The following AEBP2 variants were observed in gnomAD, a reference collection of about 807,000 sequenced individuals.
AEBP2 encodes the protein zinc finger protein AEBP2.
A neutral mutation model predicts 50.8 loss-of-function variants in AEBP2; 10 were observed. The observed-to-expected ratio is 0.20, with a 90% confidence interval of 0.12 to 0.33. The LOEUF (loss-of-function observed/expected upper bound fraction) is 0.33. Ranked by LOEUF, AEBP2 falls within the 10% of genes least tolerant of loss-of-function variation. The pLI is 1.00. For synonymous variants in AEBP2, 296 were observed against 261.3 expected, an observed-to-expected ratio of 1.13 and a Z score of -1.28; for missense variants, 570 against 688.0, an observed-to-expected ratio of 0.83 and a Z score of 1.92.
At chr12:19,456,183 A>G in intron 1 of AEBP2, 1 of 1,165,128 alleles carries the variant, frequency 8.6e-7, no homozygotes, top group Non-Finnish European at 1.2e-6. Context: ...TGAAACAAAC[A>G]GTTCTGAGAC....
chr12:19,491,442 A>G (rs1317901980), intron 3 of AEBP2, among the ~76,000 whole-genome samples: 1 of 152,184 alleles, frequency 6.6e-6, no homozygotes, highest in East Asian at 1.9e-4. Flanking sequence ...ACTGCTTTAT[A>G]TGTATGTTTT....
At chr12:19,509,218 A>T (rs1949197986) in intron 5 of AEBP2, 3 of 365,940 alleles carry the variant, frequency 8.2e-6, no homozygotes, top group Non-Finnish European at 5.3e-6. Context: ...TTGGGGTGTA[A>T]GTGTTGAAGG....
chr12:19,507,214 G>A (rs904656176), intron 5 of AEBP2, among the ~76,000 whole-genome samples: 1 of 152,182 alleles, frequency 6.6e-6, no homozygotes, highest in Non-Finnish European at 1.5e-5. Context: ...AACATTTAAT[G>A]ATTTAAAGGG....
At chr12:19,463,222 A>G (rs1948409352) in intron 2 of AEBP2, among the ~76,000 whole-genome samples, 1 of 152,212 alleles carries the variant, frequency 6.6e-6, no homozygotes, top group Admixed American at 6.5e-5. Context: ...TTAGATGGAA[A>G]GTTCTGATTA....
intron 1 of AEBP2, chr12:19,456,473 C>T (rs1948271668): frequency 1.4e-6 from 2 of 1,476,416 alleles, no homozygotes; most frequent in South Asian, 1.1e-5. Context: ...GGCCATCTTC[C>T]AGCTTTTTAC....
intron 3 of AEBP2, among the ~76,000 whole-genome samples, chr12:19,481,490 G>A (rs1294280112): frequency 6.9e-6 from 1 of 145,394 alleles, no homozygotes; most frequent in Non-Finnish European, 1.5e-5. Flanking sequence ...TTTTTTTTGT[G>A]AGGCAGAGTC....
chr12:19,437,825 T>G (rs1249295403), upstream of AEBP2, among the ~76,000 whole-genome samples: 1 of 152,218 alleles, frequency 6.6e-6, no homozygotes, highest in Non-Finnish European at 1.5e-5. Context: ...ACATTTTATA[T>G]AACAGTTGTC....
chr12:19,465,728 A>G (rs371439678), intron 2 of AEBP2, among the ~76,000 whole-genome samples: 61 of 151,906 alleles, frequency 4.0e-4, no homozygotes, highest in African/African-American at 1.4e-3. Flanking sequence ...TAGTACTACT[A>G]TAAAAGACAA....
intron 2 of AEBP2, among the ~76,000 whole-genome samples, chr12:19,464,385 A>G (rs1669972157): frequency 6.6e-6 from 1 of 152,068 alleles, no homozygotes. Flanking sequence ...GCAACTGTGT[A>G]TAGAATCATG....
intron 1 of AEBP2, among the ~76,000 whole-genome samples, chr12:19,425,195 G>A (rs1228678291): frequency 6.6e-6 from 1 of 152,052 alleles, no homozygotes; most frequent in South Asian, 2.1e-4. Context: ...GTGGGTCAAC[G>A]ACACAGTCCT....
In AEBP2 at chr12:19,422,032, C is replaced by T. The variant is rs2095746106; in HGVS notation, c.-17+17816C>T. Among the ~76,000 whole-genome samples the T allele has an allele frequency of 3.3e-5, 5 of 152,078 alleles. No individual in the cohort carries two copies. In the South Asian group the frequency reaches 1.0e-3, roughly 32 times the overall value. ...TGGCTCGCACCTGTGGTCCCAGCTA[C>T]TCGGGAGGCTGAGGCAGGAGAATCA... On this transcript the variant is annotated intron_variant, in intron 1 of 3. Coordinates refer to the AEBP2 transcript ENST00000538425.
At chr12:19,467,124 G>T (rs1478244730) in intron 2 of AEBP2, among the ~76,000 whole-genome samples, 1 of 152,022 alleles carries the variant, frequency 6.6e-6, no homozygotes, top group East Asian at 1.9e-4. Flanking sequence ...ACAGAGATGA[G>T]GTCTCACTGT....
intron 1 of AEBP2, among the ~76,000 whole-genome samples, chr12:19,433,021 C>A (rs752904506): frequency 1.3e-5 from 2 of 152,058 alleles, no homozygotes; most frequent in East Asian, 3.9e-4. Context: ...TAGCATCACA[C>A]GTTCACCAAG....
chr12:19,406,829 T>C (rs1341225222), intron 1 of AEBP2, among the ~76,000 whole-genome samples: 1 of 152,248 alleles, frequency 6.6e-6, no homozygotes, highest in East Asian at 1.9e-4. Context: ...TTTATAGTTT[T>C]GCGTTTTACA....
upstream of AEBP2, among the ~76,000 whole-genome samples, chr12:19,435,337 G>T (rs933177033): frequency 1.3e-5 from 2 of 150,986 alleles, no homozygotes; most frequent in Admixed American, 1.3e-4. Flanking sequence ...CTGGAGTGCA[G>T]TGGCGCAATT....
At chr12:19,455,202 A>G (rs1441692789) in intron 1 of AEBP2, among the ~76,000 whole-genome samples, 1 of 151,594 alleles carries the variant, frequency 6.6e-6, no homozygotes, top group Non-Finnish European at 1.5e-5. Context: ...TATGTTGCCC[A>G]GGTTGCTCTT....
chr12:19,426,317 CA>C (rs2095748531), intron 1 of AEBP2, among the ~76,000 whole-genome samples: 1 of 152,142 alleles, frequency 6.6e-6, no homozygotes, highest in South Asian at 2.1e-4. Flanking sequence ...GTCTTGAGTG[CA>C]TCTGTCATTC....
chr12:19,477,035 G>C (rs1948657536), intron 3 of AEBP2, among the ~76,000 whole-genome samples: 1 of 152,110 alleles, frequency 6.6e-6, no homozygotes, highest in Non-Finnish European at 1.5e-5. Flanking sequence ...TCACCTCCTT[G>C]GTTAGGTATA....
At chr12:19,499,033 A>T (rs1463330688) in intron 4 of AEBP2, among the ~76,000 whole-genome samples, 1 of 152,164 alleles carries the variant, frequency 6.6e-6, no homozygotes, top group Non-Finnish European at 1.5e-5. Context: ...AAAAGAAAAA[A>T]ACCAGTTATA....
Sources: allele counts gnomAD v4.1 joint callset (sites outside exome capture counted in the v4.1 genomes callset), GRCh38; gene constraint gnomAD v4.1.1; transcripts MANE v1.5; gene names NCBI Gene and HGNC (gene_info 2026-07-23, HGNC 2026-07-21).